Variants in LRP2 observed in about 807,000 individuals in gnomAD.
LRP2 encodes the protein low-density lipoprotein receptor-related protein 2.
A neutral mutation model predicts 531.0 loss-of-function variants in LRP2; 172 were observed. That is an observed-to-expected ratio of 0.32 (90% CI 0.29 to 0.37). LRP2 has a LOEUF of 0.37. Among genes scored for constraint, LRP2 ranks in the 10% least tolerant of loss-of-function variants. LRP2 has a pLI of 1.00. For missense variants in LRP2, 5,167 were observed against 5,868.3 expected (o/e 0.88, Z 3.90); for synonymous variants, 1,992 against 2,027.6 (o/e 0.98, Z 0.47).
chr2:169,133,536 T>C (rs572986473), intron 76 of LRP2, among the ~76,000 whole-genome samples: 5 of 152,336 alleles, frequency 3.3e-5, no homozygotes, highest in African/African-American at 1.2e-4. Context: ...AAAATATTTG[T>C]AAAATAAACA....
At chr2:169,244,549 G>A in intron 22 of LRP2, 144 bp downstream of exon 22, 1 of 1,109,756 alleles carries the variant, frequency 9.0e-7, no homozygotes, top group Non-Finnish European at 1.3e-6. Flanking sequence ...GTAACCTATT[G>A]ACACAGAGAT....
intron 63 of LRP2, among the ~76,000 whole-genome samples, chr2:169,161,961 G>C (rs1686604062): frequency 6.6e-6 from 1 of 152,110 alleles, no homozygotes; most frequent in Non-Finnish European, 1.5e-5. Flanking sequence ...TGTTACATAT[G>C]TATGCATGTG....
chr2:169,322,265 A>C (rs899882397), intron 1 of LRP2, among the ~76,000 whole-genome samples: 1 of 152,224 alleles, frequency 6.6e-6, no homozygotes, highest in African/African-American at 2.4e-5. Flanking sequence ...AAACATAGTT[A>C]AGTGATCTAT....
At chr2:169,184,763 G>T (rs937433147) in intron 50 of LRP2, among the ~76,000 whole-genome samples, 4 of 78,516 alleles carry the variant, frequency 5.1e-5, no homozygotes, top group East Asian at 2.5e-4. Context: ...TTTTTGTTTT[G>T]TTTGTTTTGT....
At chr2:169,182,059 A>G (rs1373254182) in intron 51 of LRP2, 108 bp downstream of exon 51, 1 of 1,440,044 alleles carries the variant, frequency 6.9e-7, no homozygotes, top group Non-Finnish European at 9.7e-7. Context: ...GCAGAAGACA[A>G]ACCCCAGCAA....
chr2:169,175,105 C>T, intron 55 of LRP2, 88 bp downstream of exon 55: 2 of 1,319,856 alleles, frequency 1.5e-6, no homozygotes, highest in East Asian at 2.4e-5. Context: ...GTTTTTAGTT[C>T]ATGATATTCA....
chr2:169,287,142 G>A (rs996374724), intron 9 of LRP2, among the ~76,000 whole-genome samples: 20 of 152,152 alleles, frequency 1.3e-4, no homozygotes, highest in Non-Finnish European at 2.2e-4. Flanking sequence ...AAGGGCATTC[G>A]TGTGAAAAGT....
intron 35 of LRP2, among the ~76,000 whole-genome samples, chr2:169,215,494 A>G (rs182436122): frequency 6.6e-6 from 1 of 152,214 alleles, no homozygotes; most frequent in East Asian, 1.9e-4. Flanking sequence ...TCACCACTAA[A>G]GAAAGTTTCG....
At chr2:169,283,563 C>G (rs1460256870) in intron 9 of LRP2, among the ~76,000 whole-genome samples, 1 of 152,156 alleles carries the variant, frequency 6.6e-6, no homozygotes, top group Non-Finnish European at 1.5e-5. Flanking sequence ...AAAGTAAGAC[C>G]TGCCTATAGA....
intron 31 of LRP2, 89 bp from the exon 32 acceptor site, chr2:169,226,677 T>C: frequency 5.3e-6 from 5 of 942,674 alleles, no homozygotes; most frequent in Non-Finnish European, 8.5e-6. Context: ...GTTACCATCA[T>C]ATGGGCTAAA....
intron 30 of LRP2, 21 bp downstream of exon 30, chr2:169,233,390 A>G: frequency 3.7e-6 from 6 of 1,614,018 alleles, no homozygotes; most frequent in Non-Finnish European, 5.1e-6. Flanking sequence ...CCCAGGCAGG[A>G]TGTTTCTCTG....
chr2:169,289,450 G>C (rs193121989), intron 8 of LRP2, among the ~76,000 whole-genome samples: 5 of 152,234 alleles, frequency 3.3e-5, no homozygotes, highest in Admixed American at 3.3e-4. Context: ...TCAGCACTTT[G>C]GGAGGCCAAG....
chr2:169,305,467 T>C (rs567587896), intron 4 of LRP2, among the ~76,000 whole-genome samples: 117 of 152,228 alleles, frequency 7.7e-4, no homozygotes, highest in African/African-American at 2.6e-3. Context: ...AATAAACCAT[T>C]TGTATCAAAG....
intron 25 of LRP2, 106 bp downstream of exon 25, chr2:169,240,882 G>A: frequency 1.4e-6 from 2 of 1,400,916 alleles, no homozygotes; most frequent in Non-Finnish European, 2.0e-6. Context: ...TAGAGGAACT[G>A]AAATCCTTCC....
intron 48 of LRP2, 124 bp downstream of exon 48, chr2:169,191,708 T>C (rs1434398024): frequency 5.4e-6 from 4 of 738,978 alleles, no homozygotes; most frequent in Non-Finnish European, 9.5e-6. Flanking sequence ...CCAAACATTT[T>C]CATAAGCCAC....
At position 169,281,862 on chromosome 2, in the gene LRP2, A is replaced by G. The variant is rs573248135; in HGVS notation, c.1171+1011T>C. Among the ~76,000 whole-genome samples the G allele has an allele frequency of 3.3e-5, 5 of 152,272 alleles. No homozygotes were observed. In the South Asian group the frequency reaches 1.0e-3, roughly 32 times the overall value. The stretch of plus-strand genomic sequence containing the variant: ...GCATATAGTTTACTACCATATATAG[A>G]TATGTAAATACAGTTAAATATCTAT... On this transcript the variant is annotated intron_variant, in intron 10 of 78. Transcript: ENST00000649046.
At chr2:169,142,187 C>T (rs1685746693) in intron 71 of LRP2, among the ~76,000 whole-genome samples, 1 of 152,182 alleles carries the variant, frequency 6.6e-6, no homozygotes, top group African/African-American at 2.4e-5. Context: ...ATAGATCACC[C>T]ACAGCGTTTG....
At chr2:169,167,225 G>T (rs1686818209) in intron 61 of LRP2, among the ~76,000 whole-genome samples, 1 of 152,120 alleles carries the variant, frequency 6.6e-6, no homozygotes, top group Non-Finnish European at 1.5e-5. Context: ...GCAAAACAAG[G>T]CTAGTTCCTA....
intron 1 of LRP2, among the ~76,000 whole-genome samples, chr2:169,342,326 G>C (rs111292038): frequency 2.6e-5 from 4 of 151,008 alleles, no homozygotes; most frequent in African/African-American, 9.7e-5. Context: ...TATCAAAAAC[G>C]GCAACAAATA....
Sources: gnomAD v4.1 joint callset for allele counts (sites outside exome capture counted in the v4.1 genomes callset) on GRCh38, gnomAD v4.1.1 for gene constraint, MANE v1.5 for transcripts, NCBI Gene and HGNC (gene_info 2026-07-23, HGNC 2026-07-21) for gene names.